TAFA5: variants seen among roughly 807,000 people sequenced by gnomAD.
TAFA5 encodes TAFA chemokine like family member 5.
In TAFA5, 6 loss-of-function variants were observed where a neutral mutation model predicts 15.3. The ratio of observed to expected loss-of-function variants is 0.39; its 90% CI spans 0.21 to 0.77. The LOEUF is 0.77. TAFA5 is among the 30% of genes least tolerant of loss of function. The probability of loss-of-function intolerance (pLI) is 0.41; values close to 1 mark genes in which losing one functional copy is unlikely to be tolerated. For missense variants in TAFA5, 161 were observed against 193.1 expected (o/e 0.83, Z 0.98); for synonymous variants, 103 against 80.7 (o/e 1.28, Z -1.48).
At chr22:48,595,419 G>A (rs1012615476) in intron 1 of TAFA5, among the ~76,000 whole-genome samples, 1 of 152,242 alleles carries the variant, frequency 6.6e-6, no homozygotes, top group South Asian at 2.1e-4. Context: ...GCAGGGGCTG[G>A]CGTTATCCTG....
At chr22:48,712,913 A>T (rs910818836) in intron 3 of TAFA5, among the ~76,000 whole-genome samples, 3 of 152,208 alleles carry the variant, frequency 2.0e-5, no homozygotes, top group Non-Finnish European at 4.4e-5. Context: ...AGGCCCACAC[A>T]CAAGCAGGTC....
intron 3 of TAFA5, among the ~76,000 whole-genome samples, chr22:48,733,802 C>T (rs1929934558): frequency 1.3e-5 from 2 of 152,068 alleles, no homozygotes; most frequent in African/African-American, 4.8e-5. Context: ...TGGGTGGGAG[C>T]CACAGCAGCA....
At chr22:48,710,999 T>C (rs887343899) in intron 3 of TAFA5, among the ~76,000 whole-genome samples, 1 of 152,162 alleles carries the variant, frequency 6.6e-6, no homozygotes, top group South Asian at 2.1e-4. Context: ...AGACCCCAAG[T>C]GGCTTTCAGC....
chr22:48,540,045 T>A (rs547103348), intron 1 of TAFA5, among the ~76,000 whole-genome samples: 145 of 152,100 alleles, frequency 9.5e-4, no homozygotes, highest in African/African-American at 3.4e-3. Flanking sequence ...TGGGAAGGGT[T>A]AGGAGCAGCC....
intron 2 of TAFA5, among the ~76,000 whole-genome samples, chr22:48,698,815 G>C (rs144288505): frequency 0.61 from 91,313 of 148,678 alleles, 28,855 homozygotes; most frequent in African/African-American, 0.76. Flanking sequence ...GGGGCTGTGC[G>C]CTTACCTGCG....
chr22:48,736,939 A>G (rs973920950), intron 3 of TAFA5, among the ~76,000 whole-genome samples: 1 of 149,674 alleles, frequency 6.7e-6, no homozygotes, highest in African/African-American at 2.6e-5. Flanking sequence ...TTGATGCTTT[A>G]AGTGGCAAAT....
chr22:48,748,388 C>T (rs189833052), intron 3 of TAFA5, among the ~76,000 whole-genome samples: 1 of 152,336 alleles, frequency 6.6e-6, no homozygotes, highest in Non-Finnish European at 1.5e-5. Context: ...CCTTTCCAGG[C>T]CCCAGGGGTG....
At chr22:48,646,879 G>A (rs575825954) in intron 2 of TAFA5, 133 bp downstream of exon 2, 2 of 1,157,404 alleles carry the variant, frequency 1.7e-6, no homozygotes, top group African/African-American at 1.5e-5. Context: ...GCCCCTGGCT[G>A]TTGGCACAGC....
At position 48,663,567 on chromosome 22, in the gene TAFA5, G is replaced by A. The variant is rs563666267; in HGVS notation, c.262+16821G>A. Among the ~76,000 whole-genome samples, 141 of 152,340 alleles carry A rather than the reference G, an allele frequency of 9.3e-4. 1 individual carries two copies. The highest frequency in any genetic ancestry group is 3.3e-3 in the African/African-American group (136 of 41,566). On this transcript the variant is annotated intron_variant, in intron 2 of 3. Transcript: ENST00000402357. ...ATACTTGTTCAGAGGTAAGCACACAGCATTGCTTTCTGTGGTTTCAGTTAC... is the reference window on the plus strand; with the variant it reads ...ATACTTGTTCAGAGGTAAGCACACAACATTGCTTTCTGTGGTTTCAGTTAC...
At chr22:48,593,333 C>T (rs1016193441) in intron 1 of TAFA5, among the ~76,000 whole-genome samples, 6 of 152,220 alleles carry the variant, frequency 3.9e-5, no homozygotes, top group African/African-American at 7.2e-5. Flanking sequence ...AATAGAGGCA[C>T]GGGGCAGGGG....
chr22:48,663,063 G>A (rs1196686163), intron 2 of TAFA5, among the ~76,000 whole-genome samples: 4 of 151,436 alleles, frequency 2.6e-5, no homozygotes, highest in East Asian at 2.0e-4. Flanking sequence ...GGGATGCTCC[G>A]GGACGCAGGG....
chr22:48,495,664 G>C (rs556445864), intron 1 of TAFA5, among the ~76,000 whole-genome samples: 1 of 152,280 alleles, frequency 6.6e-6, no homozygotes, highest in East Asian at 1.9e-4. Context: ...TCTCTGTCTG[G>C]GCTGCCGTCA....
chr22:48,509,155 C>T (rs561338016), intron 1 of TAFA5, among the ~76,000 whole-genome samples: 13 of 152,314 alleles, frequency 8.5e-5, no homozygotes, highest in Admixed American at 3.3e-4. Context: ...TCCTTCTTTA[C>T]GGCTGAATAC....
chr22:48,647,769 A>C (rs1440548523), intron 2 of TAFA5, among the ~76,000 whole-genome samples: 1 of 152,086 alleles, frequency 6.6e-6, no homozygotes, highest in Non-Finnish European at 1.5e-5. Context: ...GAAGGACCCC[A>C]CGCAGGGGTA....
chr22:48,546,986 G>C, intron 1 of TAFA5: 1 of 160,532 alleles, frequency 6.2e-6, no homozygotes, highest in Admixed American at 6.2e-5. Context: ...CTCTGTCCAA[G>C]TCTGTTTTAA....
At chr22:48,588,012 C>G (rs138843821) in intron 1 of TAFA5, among the ~76,000 whole-genome samples, 105 of 152,306 alleles carry the variant, frequency 6.9e-4, no homozygotes, top group Middle Eastern at 3.4e-3. Flanking sequence ...CAGGCAGGCC[C>G]GGGTTATCCT....
At chr22:48,622,071 C>T (rs771802665) in intron 1 of TAFA5, among the ~76,000 whole-genome samples, 47 of 152,142 alleles carry the variant, frequency 3.1e-4, no homozygotes, top group Admixed American at 6.5e-4. Flanking sequence ...AGTGCAACCC[C>T]TACAACACAC....
At chr22:48,522,441 TAGA>T (rs1160560160) in intron 1 of TAFA5, among the ~76,000 whole-genome samples, 1 of 152,080 alleles carries the variant, frequency 6.6e-6, no homozygotes, top group African/African-American at 2.4e-5. Context: ...GCTCTGTCCT[TAGA>T]GTCTCCCTCC....
Position 48,655,488 on chromosome 22 carries a change from C to G in TAFA5, c.262+8742C>G, listed in dbSNP as rs115365038. Reference sequence around the variant, plus strand: ...CATTCTCCAGAGAGGCAGAACGCTCCATCCTCACGTGGTGGAAGGTGGAAG... The same window carrying G: ...CATTCTCCAGAGAGGCAGAACGCTCGATCCTCACGTGGTGGAAGGTGGAAG... On this transcript the variant is annotated intron_variant, in intron 2 of 3. Transcript: ENST00000402357. Among the ~76,000 whole-genome samples the G allele has an allele frequency of 9.7e-3, 1,471 of 152,238 alleles. 22 individuals carry two copies. Among genetic ancestry groups the G allele is most frequent in the African/African-American group, 0.033 (1,353 of 41,532 alleles).
Sources: allele counts gnomAD v4.1 joint callset (sites outside exome capture counted in the v4.1 genomes callset), GRCh38; gene constraint gnomAD v4.1.1; transcripts MANE v1.5; gene names NCBI Gene and HGNC (gene_info 2026-07-23, HGNC 2026-07-21).